SAMD5: variants seen among roughly 807,000 people sequenced by gnomAD.
SAMD5 encodes the protein sterile alpha motif domain-containing protein 5.
A neutral mutation model predicts 11.3 loss-of-function variants in SAMD5; 13 were observed. The observed-to-expected ratio is 1.15, with a 90% confidence interval of 0.75 to 1.83. SAMD5 has a LOEUF of 1.83. SAMD5 is among the 40% of genes most tolerant of loss of function. The pLI is 0.00. For synonymous variants in SAMD5, 129 were observed against 111.3 expected (o/e 1.16, Z -1.00); for missense variants, 255 against 239.1 (o/e 1.07, Z -0.44).
At chr6:147,798,241 G>C in the SAMD5 span, among the ~76,000 whole-genome samples, 2 of 148,804 alleles carry the variant, frequency 1.3e-5, no homozygotes, top group African/African-American at 2.5e-5. Context: ...TGCTTTGAAT[G>C]TGTCCCAGAG....
At chr6:147,656,403 A>G (rs1790569055) in intron 1 of SAMD5, among the ~76,000 whole-genome samples, 1 of 152,210 alleles carries the variant, frequency 6.6e-6, no homozygotes, top group Non-Finnish European at 1.5e-5. Flanking sequence ...CAAACTATCT[A>G]CTCAAAATGG....
At chr6:147,739,048 C>T (rs1204508475), downstream of SAMD5, among the ~76,000 whole-genome samples, 4 of 152,124 alleles carry the variant, frequency 2.6e-5, no homozygotes, top group Non-Finnish European at 5.9e-5. Context: ...TCAGTGGTTT[C>T]CTCGGGAGAT....
chr6:147,560,218 C>T (rs1788926607), intron 1 of SAMD5, among the ~76,000 whole-genome samples: 1 of 152,116 alleles, frequency 6.6e-6, no homozygotes, highest in Admixed American at 6.5e-5. Context: ...CAGTGAGGCT[C>T]TCCATGCAAA....
the SAMD5 span, among the ~76,000 whole-genome samples, chr6:147,829,942 C>T: frequency 2.0e-3 from 301 of 152,260 alleles, 1 homozygote; most frequent in African/African-American, 7.0e-3. Flanking sequence ...CTCTATTATA[C>T]ATGTGTTCAT....
chr6:147,690,874 A>T (rs1583140933), intron 1 of SAMD5, among the ~76,000 whole-genome samples: 1 of 152,268 alleles, frequency 6.6e-6, no homozygotes, highest in African/African-American at 2.4e-5. Flanking sequence ...ATAATAATTT[A>T]AAAACACCCA....
chr6:147,536,297 T>G (rs2128441588), intron 1 of SAMD5, among the ~76,000 whole-genome samples: 1 of 152,278 alleles, frequency 6.6e-6, no homozygotes, highest in Non-Finnish European at 1.5e-5. Flanking sequence ...AAACAGATTT[T>G]TATTGTAATA....
the SAMD5 span, among the ~76,000 whole-genome samples, chr6:147,864,018 A>AT: frequency 2.6e-5 from 4 of 151,446 alleles, no homozygotes; most frequent in Admixed American, 2.6e-4. Flanking sequence ...TAATTTTTGT[A>AT]TTTTTAGTAG....
the SAMD5 span, among the ~76,000 whole-genome samples, chr6:147,783,628 AC>A: frequency 6.6e-6 from 1 of 151,934 alleles, no homozygotes; most frequent in Non-Finnish European, 1.5e-5. Flanking sequence ...CTAACTCCTG[AC>A]CTCAAGTGAT....
chr6:147,648,088 A>ATAAAT (rs1790431605), intron 1 of SAMD5, among the ~76,000 whole-genome samples: 1 of 152,184 alleles, frequency 6.6e-6, no homozygotes, highest in Non-Finnish European at 1.5e-5. Flanking sequence ...ATAGAAGCAG[A>ATAAAT]TTTGTGAAAT....
At chr6:147,682,776 G>T in intron 1 of SAMD5, among the ~76,000 whole-genome samples, 1 of 63,550 alleles carries the variant, frequency 1.6e-5, no homozygotes, top group African/African-American at 4.9e-5. Flanking sequence ...TATCTTTGTA[G>T]GATATATTTT....
At chr6:147,889,224 A>G in the SAMD5 span, among the ~76,000 whole-genome samples, 1 of 152,176 alleles carries the variant, frequency 6.6e-6, no homozygotes, top group Non-Finnish European at 1.5e-5. Context: ...CTGTGTCTTC[A>G]AGTTCACTAT....
intron 1 of SAMD5, among the ~76,000 whole-genome samples, chr6:147,708,333 A>G (rs960688169): frequency 6.6e-6 from 1 of 152,100 alleles, no homozygotes; most frequent in Non-Finnish European, 1.5e-5. Flanking sequence ...TTCCCTCACA[A>G]CCCTCAGAAG....
At chr6:147,860,084 T>A in the SAMD5 span, among the ~76,000 whole-genome samples, 1 of 152,210 alleles carries the variant, frequency 6.6e-6, no homozygotes, top group South Asian at 2.1e-4. Flanking sequence ...TCTAGAAGTC[T>A]GAAATCAAGT....
At chr6:147,635,314 C>T (rs1056896019) in intron 1 of SAMD5, among the ~76,000 whole-genome samples, 3 of 152,166 alleles carry the variant, frequency 2.0e-5, no homozygotes, top group Non-Finnish European at 4.4e-5. Flanking sequence ...TTTCCTGGTG[C>T]CCAGGGCACT....
chr6:147,618,998 T>C (rs1171940536), intron 1 of SAMD5, among the ~76,000 whole-genome samples: 1 of 152,234 alleles, frequency 6.6e-6, no homozygotes, highest in Non-Finnish European at 1.5e-5. Flanking sequence ...GCTATGTTGC[T>C]CAGACTGGCC....
At chr6:147,642,402 G>T (rs844581) in intron 1 of SAMD5, among the ~76,000 whole-genome samples, 24 of 151,976 alleles carry the variant, frequency 1.6e-4, no homozygotes, top group Admixed American at 4.6e-4. Flanking sequence ...AAATGAGAGA[G>T]TTGTATGAGA....
downstream of SAMD5, among the ~76,000 whole-genome samples, chr6:147,574,834 C>T (rs775937421): frequency 2.0e-5 from 3 of 152,054 alleles, no homozygotes; most frequent in Non-Finnish European, 2.9e-5. Flanking sequence ...TTTTAAAGGC[C>T]TCACCTCTTA....
intron 1 of SAMD5, among the ~76,000 whole-genome samples, chr6:147,709,887 C>T (rs1791372508): frequency 6.6e-6 from 1 of 152,140 alleles, no homozygotes; most frequent in Admixed American, 6.5e-5. Context: ...ATACCTCCTC[C>T]ACCATACTTC....
rs1172694444 is a variant in SAMD5 at position 147,640,497 on chromosome 6, CAAAAAAAAAAAAAA to C, written c.163-96808_163-96795del. 9.5e-4 allele frequency among the ~76,000 whole-genome samples: 23 copies of C among 24,196 alleles called. 1 individual carries two copies. Among genetic ancestry groups the C allele is most frequent in the East Asian group, 3.8e-3 (2 of 532 alleles). 15.9% of individuals were successfully genotyped at this position (24,196 alleles called of 152,430 possible). On this transcript the variant is annotated intron_variant, in intron 1 of 1. Transcript: ENST00000566741. ...GGGTGACAAGAGCAAGACTCTGTCGCAAAAAAAAAAAAAAAAAAAAAAAAAGAATAACAGACATA... is the reference window on the plus strand; with the variant it reads ...GGGTGACAAGAGCAAGACTCTGTCGCAAAAAAAAAAAGAATAACAGACATA...
Sources: gnomAD v4.1 joint callset for allele counts (sites outside exome capture counted in the v4.1 genomes callset) on GRCh38, gnomAD v4.1.1 for gene constraint, MANE v1.5 for transcripts, NCBI Gene and HGNC (gene_info 2026-07-23, HGNC 2026-07-21) for gene names.